The following HPSE2 variants were observed in gnomAD, a reference collection of about 807,000 sequenced individuals.
The protein encoded by HPSE2 is heparanase 2 (inactive), also known as inactive heparanase-2.
A neutral mutation model predicts 60.5 loss-of-function variants in HPSE2; 38 were observed. The observed-to-expected ratio is 0.63, with a 90% CI of 0.48 to 0.82. HPSE2 has a LOEUF of 0.82. HPSE2 is among the 40% of genes least tolerant of loss of function. The probability of loss-of-function intolerance (pLI) is 0.00; values close to 1 mark genes in which losing one functional copy is unlikely to be tolerated. For synonymous variants in HPSE2, 295 were observed against 293.2 expected, an observed-to-expected ratio of 1.01 and a Z score of -0.06; for missense variants, 713 against 740.4, an observed-to-expected ratio of 0.96 and a Z score of 0.43.
intron 3 of HPSE2, 63 bp downstream of exon 3, chr10:99,144,175 T>G: frequency 6.7e-7 from 1 of 1,495,070 alleles, no homozygotes; most frequent in South Asian, 1.1e-5. Context: ...GACAGATGTG[T>G]ACCCCAAAAA....
At chr10:98,753,819 C>T (rs1483193768) in intron 3 of HPSE2, among the ~76,000 whole-genome samples, 3 of 152,156 alleles carry the variant, frequency 2.0e-5, no homozygotes, top group African/African-American at 4.8e-5. Flanking sequence ...GTCAAACCTT[C>T]AAGGGCATCA....
chr10:98,561,190 A>G (rs1180727831), intron 9 of HPSE2, among the ~76,000 whole-genome samples: 2 of 147,426 alleles, frequency 1.4e-5, no homozygotes, highest in Non-Finnish European at 3.0e-5. Context: ...TTTTTGACAC[A>G]GAGTCTTGCT....
At chr10:98,472,848 A>G (rs531051800) in intron 11 of HPSE2, among the ~76,000 whole-genome samples, 10 of 152,362 alleles carry the variant, frequency 6.6e-5, no homozygotes, top group Admixed American at 1.3e-4. Context: ...AATAGCAAAT[A>G]AAATACTAGA....
intron 2 of HPSE2, among the ~76,000 whole-genome samples, chr10:99,180,613 G>T (rs11190005): frequency 1.3e-5 from 2 of 151,900 alleles, no homozygotes; most frequent in African/African-American, 4.8e-5. Flanking sequence ...GGCTAGGCAC[G>T]GTGGCTCATG....
chr10:99,247,736 G>A, the HPSE2 span, among the ~76,000 whole-genome samples: 1 of 152,314 alleles, frequency 6.6e-6, no homozygotes, highest in East Asian at 1.9e-4. Flanking sequence ...CAAATCTCAT[G>A]TGGAATTCTA....
At chr10:99,090,097 A>G (rs1170846114) in intron 3 of HPSE2, among the ~76,000 whole-genome samples, 1 of 152,088 alleles carries the variant, frequency 6.6e-6, no homozygotes, top group Non-Finnish European at 1.5e-5. Context: ...TTTTCCATAT[A>G]CAATCATGTC....
intron 2 of HPSE2, among the ~76,000 whole-genome samples, chr10:99,155,252 C>T (rs1159504710): frequency 7.0e-6 from 1 of 143,540 alleles, no homozygotes; most frequent in Admixed American, 7.1e-5. Context: ...ACCAAGTGGA[C>T]CTAATAGACA....
intron 9 of HPSE2, among the ~76,000 whole-genome samples, chr10:98,612,049 C>G (rs1945777249): frequency 6.6e-6 from 1 of 152,198 alleles, no homozygotes; most frequent in African/African-American, 2.4e-5. Context: ...TACACATGGC[C>G]ATGCAAAGGT....
At chr10:99,075,089 TTGTTC>T (rs1185288762) in intron 3 of HPSE2, among the ~76,000 whole-genome samples, 1 of 152,124 alleles carries the variant, frequency 6.6e-6, no homozygotes, top group Non-Finnish European at 1.5e-5. Context: ...TGGGCTTAGT[TTGTTC>T]TTTTTCTAAT....
At chr10:98,640,199 A>C (rs926570331) in intron 7 of HPSE2, among the ~76,000 whole-genome samples, 1 of 152,252 alleles carries the variant, frequency 6.6e-6, no homozygotes, top group East Asian at 1.9e-4. Flanking sequence ...ACCATGTCTT[A>C]TACCACTTTG....
At chr10:99,070,859 T>A (rs1048738651) in intron 3 of HPSE2, among the ~76,000 whole-genome samples, 1 of 152,198 alleles carries the variant, frequency 6.6e-6, no homozygotes, top group Non-Finnish European at 1.5e-5. Context: ...TAAGGCTAAA[T>A]AATATTTCGT....
intron 3 of HPSE2, among the ~76,000 whole-genome samples, chr10:99,023,168 A>C (rs905094890): frequency 1.3e-5 from 2 of 152,070 alleles, no homozygotes; most frequent in Non-Finnish European, 2.9e-5. Flanking sequence ...ATACTGACTT[A>C]AGAGCCCGTG....
the HPSE2 span, among the ~76,000 whole-genome samples, chr10:99,256,526 G>T: frequency 6.7e-6 from 1 of 149,692 alleles, no homozygotes; most frequent in African/African-American, 2.5e-5. Context: ...GCACAAAATG[G>T]ACTATGACAC....
intron 2 of HPSE2, among the ~76,000 whole-genome samples, chr10:99,184,513 A>G (rs1847896629): frequency 9.0e-6 from 1 of 110,726 alleles, no homozygotes; most frequent in Non-Finnish European, 1.8e-5. Flanking sequence ...CAACAGAGCG[A>G]GACTGTCTCA....
chr10:99,018,663 T>C (rs1268221706), intron 3 of HPSE2, among the ~76,000 whole-genome samples: 1 of 152,170 alleles, frequency 6.6e-6, no homozygotes, highest in Non-Finnish European at 1.5e-5. Flanking sequence ...CAATCTGTTT[T>C]AAATGATGGT....
At chr10:98,608,697 A>C (rs1204691207) in intron 9 of HPSE2, among the ~76,000 whole-genome samples, 1 of 152,202 alleles carries the variant, frequency 6.6e-6, no homozygotes, top group Non-Finnish European at 1.5e-5. Flanking sequence ...GTTCCCACAA[A>C]GGAAGGCTGC....
At chr10:98,734,429 A>C (rs1447758516) in intron 4 of HPSE2, among the ~76,000 whole-genome samples, 3 of 152,170 alleles carry the variant, frequency 2.0e-5, no homozygotes, top group Admixed American at 1.3e-4. Flanking sequence ...GAACTACTGG[A>C]CTATTTTCCA....
intron 3 of HPSE2, among the ~76,000 whole-genome samples, chr10:98,877,323 G>C (rs1952904489): frequency 6.6e-6 from 1 of 151,734 alleles, no homozygotes; most frequent in Admixed American, 6.6e-5. Context: ...ATGTTTTCTA[G>C]ATTTTTTTTG....
intron 3 of HPSE2, among the ~76,000 whole-genome samples, chr10:99,103,037 G>A (rs2135650296): frequency 6.6e-6 from 1 of 152,246 alleles, no homozygotes; most frequent in South Asian, 2.1e-4. Context: ...TACTGAATGG[G>A]CAAAAACTGG....
Sources: gnomAD v4.1 joint callset for allele counts (sites outside exome capture counted in the v4.1 genomes callset) on GRCh38, gnomAD v4.1.1 for gene constraint, MANE v1.5 for transcripts, NCBI Gene and HGNC (gene_info 2026-07-23, HGNC 2026-07-21) for gene names.